The following FMC1 variants were observed in gnomAD, a reference collection of about 807,000 sequenced individuals.
FMC1 encodes the protein formation of mitochondrial complex V assembly factor 1.
Under a neutral mutation model 10.5 loss-of-function variants are expected in FMC1, and 6 were observed. The observed-to-expected ratio is 0.57, with a 90% CI of 0.31 to 1.12. FMC1 has a LOEUF of 1.12. Ranked by LOEUF, FMC1 falls within the 50% of genes most tolerant of loss-of-function variation. The pLI, the probability that FMC1 is intolerant of heterozygous loss-of-function variation, is 0.05. For synonymous variants in FMC1, 59 were observed against 62.1 expected (o/e 0.95, Z 0.24); for missense variants, 146 against 151.7 (o/e 0.96, Z 0.20).
At position 139,341,365 on chromosome 7, in the gene FMC1, G is replaced by C; in HGVS notation, c.-20G>C. The C allele has an allele frequency of 1.9e-6, 3 of 1,596,776 alleles. No homozygotes were observed. The highest frequency in any genetic ancestry group is 2.6e-6 in the Non-Finnish European group (3 of 1,167,370). The stretch of plus-strand genomic sequence containing the variant: ...GTCGTAGGACGCCGTTGGGCACCAC[G>C]CTCGGAGAAGGACAGGACAATGGCG... On this transcript the variant is annotated 5_prime_UTR_variant, in exon 1 of 2. Coordinates refer to ENST00000297534, the MANE Select transcript of FMC1 (RefSeq NM_197964.5).
Position 139,345,689 on chromosome 7 carries a change from G to A in FMC1, c.327G>A (p.Lys109=). The part of the protein sequence containing the change: ...GLKLPHQPGG[K]GWEP ...AGTTGCCCCATCAGCCTGGAGGGAAGGGCTGGGAGCCATGAACATGGAGAA... is the reference window on the plus strand; with the variant it reads ...AGTTGCCCCATCAGCCTGGAGGGAAAGGCTGGGAGCCATGAACATGGAGAA... Residue 109 remains lysine (K), a synonymous_variant, in exon 2 of 2, where the codon AAG becomes AAA. Transcript: ENST00000297534. The A allele has an allele frequency of 6.2e-7, 1 of 1,614,078 alleles. No individual in the cohort carries two copies. The highest frequency in any genetic ancestry group is 1.1e-5 in the South Asian group (1 of 91,074).
At chr7:139,342,272 CAG>C (rs1799020571) in intron 1 of FMC1, among the ~76,000 whole-genome samples, 1 of 152,076 alleles carries the variant, frequency 6.6e-6, no homozygotes. Context: ...GTGTAGACAA[CAG>C]GGGCTGGGGT....
chr7:139,344,318 A>G (rs1405565043), intron 1 of FMC1, among the ~76,000 whole-genome samples: 3 of 152,176 alleles, frequency 2.0e-5, no homozygotes, highest in East Asian at 3.8e-4. Flanking sequence ...ACCAAAATCC[A>G]TGGATGCTCA....
upstream of FMC1, chr7:139,340,634 A>G (rs1798889112): frequency 5.0e-6 from 2 of 396,666 alleles, no homozygotes; most frequent in African/African-American, 2.1e-5. Context: ...GGCGAAAATG[A>G]AGTGACGATG....
Position 139,341,395 on chromosome 7 carries a change from T to C in FMC1, c.11T>C (p.Leu4Ser), listed in dbSNP as rs1231702484. 3 of 1,613,038 alleles carry C rather than the reference T, an allele frequency of 1.9e-6. No individual in the cohort carries two copies. The East Asian group carries it at 6.7e-5, about 36-fold the overall frequency. The change falls in exon 1 of 2, where the codon TTA (leucine) becomes TCA (serine). Residue 4 changes from leucine (L) to serine (S), a missense_variant. By Grantham distance (145) the Leu-to-Ser change is moderately radical. Transcript: ENST00000297534. Reference sequence around the variant, plus strand: ...GAGAAGGACAGGACAATGGCGGCCTTAGGGTCCCCGTCGCACACTTTTCGA... The same window carrying C: ...GAGAAGGACAGGACAATGGCGGCCTCAGGGTCCCCGTCGCACACTTTTCGA... MAALGSPSHTFRGL... is the reference protein window; with the variant it reads MAASGSPSHTFRGL...
chr7:139,341,291 C>T (rs1206564674), upstream of FMC1: 2 of 1,512,118 alleles, frequency 1.3e-6, no homozygotes, highest in East Asian at 2.3e-5. Context: ...AGTCGGTAGT[C>T]TGTCCGACCG....
In FMC1 at chr7:139,341,337, AG is replaced by A. The variant is rs773724554; in HGVS notation, c.-45del. ...CGCCTGGGCCGGAGGAGGGGTTTTC[AG>A]GGTCGTAGGACGCCGTTGGGCACCA... On this transcript the variant is annotated 5_prime_UTR_variant, in exon 1 of 2. Coordinates refer to ENST00000297534, the MANE Select transcript of FMC1 (RefSeq NM_197964.5). 6.4e-7 allele frequency: 1 copy of A among 1,573,882 alleles called. No homozygotes were observed. The highest frequency in any genetic ancestry group is 8.7e-7 in the Non-Finnish European group (1 of 1,153,884).
chr7:139,341,632 C>A, intron 1 of FMC1, 110 bp downstream of exon 1: 1 of 1,494,838 alleles, frequency 6.7e-7, no homozygotes, highest in Non-Finnish European at 8.9e-7. Flanking sequence ...GAGGCCAACC[C>A]TCCCACGGAG....
chr7:139,341,499 G>A lies in FMC1; in HGVS notation c.115G>A (p.Val39Met). ...CGACACCGCGGCCTATCGGTACCTT[G>A]TGAAGGCTTTCCGTGCACATCGGGT... ...YRDTAAYRYL[V>M]KAFRAHRVTS... Residue 39 changes from valine (V) to methionine (M), a missense_variant, in exon 1 of 2, where the codon GTG (valine) becomes ATG (methionine). By Grantham distance (21) the Val-to-Met change is conservative. Coordinates refer to ENST00000297534, the MANE Select transcript of FMC1 (RefSeq NM_197964.5). 6.2e-7 allele frequency: 1 copy of A among 1,613,650 alleles called. No homozygotes were observed. Among genetic ancestry groups the A allele is most frequent in the Non-Finnish European group, 8.5e-7 (1 of 1,179,834 alleles).
At chr7:139,341,332 T>G, upstream of FMC1, 7 of 1,546,574 alleles carry the variant, frequency 4.5e-6, no homozygotes, top group South Asian at 2.3e-5. Flanking sequence ...GGAGGAGGGG[T>G]TTTCAGGGTC....
upstream of FMC1, chr7:139,340,709 G>T: frequency 2.6e-6 from 1 of 390,380 alleles, no homozygotes; most frequent in African/African-American, 2.1e-5. Context: ...AGCCCCAGTG[G>T]CCTAATGGAT....
upstream of FMC1, chr7:139,340,525 C>T: frequency 5.0e-6 from 2 of 398,540 alleles, no homozygotes; most frequent in Admixed American, 4.4e-5. Context: ...AGGGTAAAGC[C>T]TTTGGCGCGG....
rs1798950720 is a variant in FMC1, at chr7:139,341,391, G to A, written c.7G>A (p.Ala3Thr). The change falls in exon 1 of 2, where the codon GCC becomes ACC. Residue 3 changes from alanine (A) to threonine (T), a missense_variant. Physicochemically the swap from Ala to Thr is moderately conservative, Grantham distance 58. Coordinates refer to ENST00000297534, the MANE Select transcript of FMC1 (RefSeq NM_197964.5). MA[A>T]LGSPSHTFRG... ...CTCGGAGAAGGACAGGACAATGGCG[G>A]CCTTAGGGTCCCCGTCGCACACTTT... 6 of 1,612,698 alleles carry A rather than the reference G, an allele frequency of 3.7e-6. No individual in the cohort carries two copies. The highest frequency in any genetic ancestry group is 1.7e-5 in the Admixed American group (1 of 59,992).
At position 139,345,642 on chromosome 7, in the gene FMC1, T is replaced by G; in HGVS notation, c.280T>G (p.Ser94Ala). The G allele has an allele frequency of 1.2e-6, 2 of 1,613,898 alleles. No individual in the cohort carries two copies. The highest frequency in any genetic ancestry group is 1.7e-6 in the Non-Finnish European group (2 of 1,179,964). ...CAAGGGTGAGCGCTCGGTGGAGGAG[T>G]CTGCTGGCTTGGTGGGTCTCAAGTT... ...HGKGERSVEE[S>A]AGLVGLKLPH... The change falls in exon 2 of 2, where the codon TCT (serine) becomes GCT (alanine). Residue 94 changes from serine to alanine, a missense_variant. Coordinates refer to ENST00000297534, the MANE Select transcript of FMC1 (RefSeq NM_197964.5).
intron 1 of FMC1, among the ~76,000 whole-genome samples, chr7:139,342,154 C>G (rs1472782589): frequency 6.6e-6 from 1 of 151,440 alleles, no homozygotes; most frequent in African/African-American, 2.4e-5. Flanking sequence ...TGCTAGGAAC[C>G]TGGTCTAAAC....
upstream of FMC1, chr7:139,340,623 A>G (rs900632414): frequency 5.0e-6 from 2 of 396,816 alleles, no homozygotes; most frequent in Non-Finnish European, 8.9e-6. Context: ...GGATAGGGTA[A>G]GGCGAAAATG....
chr7:139,340,640 C>G (rs971499408), upstream of FMC1: 2 of 396,346 alleles, frequency 5.0e-6, no homozygotes, highest in Non-Finnish European at 8.9e-6. Context: ...AATGAAGTGA[C>G]GATGACGTAC....
chr7:139,345,526 C>A lies in FMC1; in HGVS notation c.164C>A (p.Ala55Asp). Residue 55 changes from alanine to aspartate, a missense_variant, in exon 2 of 2, where the codon GCC (alanine) becomes GAC (aspartate). Transcript: ENST00000297534. ...HRVTSEKLCR[A>D]QHELHFQAAT... is the part of the protein sequence containing the mutation. ...GTCACCAGTGAAAAGTTGTGCAGAG[C>A]CCAACATGAGCTTCATTTCCAAGCT... is the stretch of plus-strand genomic sequence containing the variant. The A allele has an allele frequency of 1.2e-6, 2 of 1,614,166 alleles. No individual in the cohort carries two copies. The highest frequency in any genetic ancestry group is 2.7e-5 in the African/African-American group (2 of 75,022).
intron 1 of FMC1, among the ~76,000 whole-genome samples, chr7:139,345,171 A>G (rs1241334375): frequency 6.6e-6 from 1 of 152,116 alleles, no homozygotes; most frequent in Non-Finnish European, 1.5e-5. Flanking sequence ...TAATTTCCAT[A>G]TCTACCATTA....
Sources: allele counts gnomAD v4.1 joint callset (sites outside exome capture counted in the v4.1 genomes callset), GRCh38; gene constraint gnomAD v4.1.1; transcripts MANE v1.5; gene names NCBI Gene and HGNC (gene_info 2026-07-23, HGNC 2026-07-21).